RTTN: variants seen among roughly 807,000 people sequenced by gnomAD.
RTTN encodes rotatin.
A neutral mutation model predicts 269.2 loss-of-function variants in RTTN; 182 were observed. The ratio of observed to expected loss-of-function variants is 0.68; its 90% CI spans 0.60 to 0.76. The LOEUF (loss-of-function observed/expected upper bound fraction) is 0.76. RTTN is among the 30% of genes least tolerant of loss of function. RTTN has a pLI of 0.00. For missense variants in RTTN, 2,545 were observed against 2,608.6 expected (o/e 0.98, Z 0.53); for synonymous variants, 1,006 against 963.5 (o/e 1.04, Z -0.82).
intron 10 of RTTN, among the ~76,000 whole-genome samples, chr18:70,185,548 A>T (rs553825381): frequency 6.6e-6 from 1 of 152,318 alleles, no homozygotes; most frequent in East Asian, 1.9e-4. Context: ...ATGGTGAAAG[A>T]TCGAATGCTT....
At chr18:70,204,912 GT>G (rs750820566) in intron 2 of RTTN, among the ~76,000 whole-genome samples, 123 of 152,208 alleles carry the variant, frequency 8.1e-4, no homozygotes, top group Non-Finnish European at 1.5e-3. Context: ...CTCAAAAGAA[GT>G]TCTGTGTTAC....
At chr18:70,190,219 C>CA (rs565249813) in intron 9 of RTTN, among the ~76,000 whole-genome samples, 98 of 126,226 alleles carry the variant, frequency 7.8e-4, no homozygotes, top group East Asian at 6.6e-3. Flanking sequence ...CCATACAGTC[C>CA]AAAAAAAAAA....
chr18:70,199,607 G>A (rs1600080780), intron 4 of RTTN, 103 bp from the exon 5 acceptor site: 2 of 767,482 alleles, frequency 2.6e-6, no homozygotes, highest in East Asian at 2.8e-5. Context: ...CCAAAATAAA[G>A]GCTGCATCTT....
chr18:70,014,627 C>T (rs1298392187), intron 46 of RTTN, among the ~76,000 whole-genome samples: 2 of 152,190 alleles, frequency 1.3e-5, no homozygotes, highest in African/African-American at 4.8e-5. Flanking sequence ...ACTTTGGGTG[C>T]AGAGCCCTAT....
chr18:70,042,679 C>T (rs1304948049), intron 40 of RTTN, among the ~76,000 whole-genome samples: 2 of 152,156 alleles, frequency 1.3e-5, no homozygotes, highest in African/African-American at 4.8e-5. Context: ...CCAGCCAAGG[C>T]TTCAGAATTC....
chr18:70,171,076 C>T (rs2061130638), intron 11 of RTTN, among the ~76,000 whole-genome samples: 1 of 152,076 alleles, frequency 6.6e-6, no homozygotes, highest in Admixed American at 6.6e-5. Flanking sequence ...CAAGTGAAGA[C>T]ATCAAAAAGG....
intron 32 of RTTN, among the ~76,000 whole-genome samples, chr18:70,084,180 A>G (rs944571014): frequency 3.3e-5 from 5 of 151,986 alleles, no homozygotes; most frequent in Non-Finnish European, 7.4e-5. Context: ...ATTAATTTAG[A>G]CTGCAGGCAG....
At chr18:70,103,820 C>G (rs561738544) in intron 28 of RTTN, among the ~76,000 whole-genome samples, 2 of 151,466 alleles carry the variant, frequency 1.3e-5, no homozygotes, top group Admixed American at 6.6e-5. Flanking sequence ...TTGGCCCCCA[C>G]TCTCTTCTGG....
In RTTN at chr18:70,205,668, T is replaced by A. The variant is rs2062062771; in HGVS notation, c.-10A>T. 4 of 1,613,842 alleles carry A rather than the reference T, an allele frequency of 2.5e-6. No individual in the cohort carries two copies. In the African/African-American group the frequency reaches 5.3e-5, roughly 22 times the overall value. On this transcript the variant is annotated 5_prime_UTR_variant, in exon 1 of 49. Transcript: ENST00000640769. ...GCCCTGCCAGGACCATCTCGTCCCGTCAATCTGCAGCCGCCGGAGAATTAA... is the reference window on the plus strand; with the variant it reads ...GCCCTGCCAGGACCATCTCGTCCCGACAATCTGCAGCCGCCGGAGAATTAA...
intron 28 of RTTN, among the ~76,000 whole-genome samples, chr18:70,096,623 G>A (rs372174643): frequency 7.2e-5 from 11 of 152,172 alleles, no homozygotes; most frequent in East Asian, 3.9e-4. Context: ...TATCACCAGC[G>A]GAGGCTGCAG....
Position 70,162,622 on chromosome 18 carries a change from G to A in RTTN, c.1929+3440C>T, listed in dbSNP as rs145214673. On this transcript the variant is annotated intron_variant, in intron 14 of 48. Transcript: ENST00000640769. The stretch of plus-strand genomic sequence containing the variant: ...CTCACTGTTAGAAGAACAGGATGGG[G>A]GAAACTGCCCCCATGATTCCAATTA... Among the ~76,000 whole-genome samples, 495 of 152,118 alleles carry A rather than the reference G, an allele frequency of 3.3e-3. 1 individual carries two copies. Among genetic ancestry groups the A allele is most frequent in the African/African-American group, 0.011 (465 of 41,492 alleles).
At chr18:70,112,578 A>G (rs1045936107) in intron 27 of RTTN, among the ~76,000 whole-genome samples, 2 of 151,824 alleles carry the variant, frequency 1.3e-5, no homozygotes, top group African/African-American at 2.4e-5. Flanking sequence ...GAAGGGCACT[A>G]CATAATGATA....
chr18:70,016,066 G>A (rs929800073), intron 46 of RTTN, among the ~76,000 whole-genome samples: 1 of 152,146 alleles, frequency 6.6e-6, no homozygotes, highest in Non-Finnish European at 1.5e-5. Flanking sequence ...CATCAGCACA[G>A]CAGCCACCGG....
At chr18:70,052,978 C>A (rs1005356704) in intron 38 of RTTN, among the ~76,000 whole-genome samples, 1 of 152,066 alleles carries the variant, frequency 6.6e-6, no homozygotes. Flanking sequence ...TCAAATCATA[C>A]AGAAAAGCAA....
rs1334645585 is a variant in RTTN, at chr18:70,176,780, G to C, written c.1371C>G (p.Ile457Met). Residue 457 changes from isoleucine (I) to methionine (M), a missense_variant, in exon 11 of 49, where the codon ATC (isoleucine) becomes ATG (methionine). Ile to Met is a conservative substitution (Grantham distance 10). Transcript: ENST00000640769. ...GCATCACCTCTGGCTGCTCCAAACT[G>C]ATACTACTTTTATGGTAGCACATGG... ...GETMCYHKSS[I>M]SLEQPEVMLV... is the part of the protein sequence containing the mutation. 6.2e-7 allele frequency: 1 copy of C among 1,614,082 alleles called. No individual in the cohort carries two copies. The highest frequency in any genetic ancestry group is 1.3e-5 in the African/African-American group (1 of 75,050).
chr18:70,150,081 T>C lies in RTTN; in HGVS notation c.2062A>G (p.Thr688Ala), dbSNP rs766542445. The C allele has an allele frequency of 7.5e-6, 12 of 1,606,954 alleles. No individual in the cohort carries two copies. The highest frequency in any genetic ancestry group is 6.7e-5 in the Admixed American group (4 of 59,918). The change falls in exon 16 of 49, where the codon ACT (threonine) becomes GCT (alanine). Residue 688 changes from threonine (T) to alanine (A), a missense_variant. Transcript: ENST00000640769. The stretch of plus-strand genomic sequence containing the variant: ...TATAACAGAATGGCCTTGGCAGCAG[T>C]GTTCACCTGCTCAACAACACAGACC... ...GIQEPESEVN[T>A]AAKAILLYLL...
At chr18:70,193,843 G>A (rs764235093) in intron 7 of RTTN, among the ~76,000 whole-genome samples, 6 of 152,258 alleles carry the variant, frequency 3.9e-5, no homozygotes, top group East Asian at 1.9e-4. Context: ...AGCTCTTAGC[G>A]GAAAAAATAA....
chr18:70,073,800 C>G (rs941236516), intron 34 of RTTN, 106 bp downstream of exon 34: 1 of 746,840 alleles, frequency 1.3e-6, no homozygotes, highest in African/African-American at 1.8e-5. Context: ...TCGAATAAAT[C>G]ATAGCTGTTA....
rs375687141 is a variant in RTTN, at chr18:70,145,727, G to C, written c.2366C>G (p.Ala789Gly). 1.2e-5 allele frequency: 19 copies of C among 1,613,302 alleles called. No homozygotes were observed. Among genetic ancestry groups the C allele is most frequent in the Admixed American group, 1.7e-5 (1 of 59,922 alleles). ...GTCTATTAGAGGACGCTTTGTATCA[G>C]CCCCTTCTTCACTGGTAAGATGGAA... ...LAFHLTSEEG[A>G]DTKRPLIDAR... The change falls in exon 18 of 49, where the codon GCT (alanine) becomes GGT (glycine). Residue 789 changes from alanine (A) to glycine (G), a missense_variant. Transcript: ENST00000640769.
Sources: allele counts gnomAD v4.1 joint callset (sites outside exome capture counted in the v4.1 genomes callset), GRCh38; gene constraint gnomAD v4.1.1; transcripts MANE v1.5; gene names NCBI Gene and HGNC (gene_info 2026-07-23, HGNC 2026-07-21).